Variants in RNF4 observed in about 807,000 individuals in gnomAD.
RNF4 encodes E3 ubiquitin-protein ligase RNF4.
RNF4 carries 7 observed loss-of-function variants against 24.3 expected under a neutral mutation model. The ratio of observed to expected loss-of-function variants is 0.29; its 90% CI spans 0.16 to 0.54. RNF4 has a LOEUF of 0.54. Ranked by LOEUF, RNF4 falls within the 20% of genes least tolerant of loss-of-function variation. The pLI, the probability that RNF4 is intolerant of heterozygous loss-of-function variation, is 0.95. For synonymous variants in RNF4, 83 were observed against 84.3 expected, an observed-to-expected ratio of 0.98 and a Z score of 0.09; for missense variants, 209 against 248.5, an observed-to-expected ratio of 0.84 and a Z score of 1.07.
chr4:2,499,946 G>C (rs1735857017), intron 3 of RNF4, among the ~76,000 whole-genome samples: 1 of 152,122 alleles, frequency 6.6e-6, no homozygotes, highest in South Asian at 2.1e-4. Flanking sequence ...CACAAGGTCA[G>C]GAGTTCAAGA....
chr4:2,487,132 G>C (rs933560308), intron 1 of RNF4, among the ~76,000 whole-genome samples: 1 of 152,180 alleles, frequency 6.6e-6, no homozygotes, highest in Non-Finnish European at 1.5e-5. Flanking sequence ...GTGTTGCTTT[G>C]AGAAGCATTT....
intron 1 of RNF4, among the ~76,000 whole-genome samples, chr4:2,482,941 T>G (rs1194917426): frequency 3.3e-5 from 5 of 152,244 alleles, no homozygotes; most frequent in East Asian, 1.9e-4. Context: ...CTGCCAAGTC[T>G]GTTCTGGAAA....
Position 2,487,069 on chromosome 4 carries a change from G to A in RNF4, c.-157-3268G>A, listed in dbSNP as rs146665115. Among the ~76,000 whole-genome samples, 1,425 of 152,242 alleles carry A rather than the reference G, an allele frequency of 9.4e-3. 22 individuals carry two copies. The highest frequency in any genetic ancestry group is 0.012 in the Non-Finnish European group (788 of 68,012). On this transcript the variant is annotated intron_variant, in intron 1 of 7. Transcript: ENST00000314289. ...AACCAACTAGACAAGTCTTTTCCTA[G>A]CCAGAGCCTCTTCCCTGAATGTCTG...
intron 1 of RNF4, among the ~76,000 whole-genome samples, chr4:2,487,113 C>A (rs71608203): frequency 0.014 from 2,172 of 152,194 alleles, 21 homozygotes; most frequent in South Asian, 0.023. Context: ...TGAACACTTA[C>A]CAGGTGAGGT....
rs574971720 is a variant in RNF4 at position 2,514,217 on chromosome 4, C to G, written c.*398C>G. 2.1e-4 allele frequency: 50 copies of G among 234,200 alleles called. No homozygotes were observed. Among genetic ancestry groups the G allele is most frequent in the African/African-American group, 1.0e-3 (47 of 45,126 alleles). 14.5% of individuals were successfully genotyped at this position (234,200 alleles called of 1,614,324 possible). On this transcript the variant is annotated 3_prime_UTR_variant, in exon 8 of 8. Transcript: ENST00000314289. ...TCTGCCGGTCGACCAATCTGCCTGC[C>G]ACACATTGACCAAGCCAGACCCGGT... is the stretch of plus-strand genomic sequence containing the variant.
At position 2,473,388 on chromosome 4, in the gene RNF4, A is replaced by G. The variant is rs1216909817; in HGVS notation, c.-158+4130A>G. Among the ~76,000 whole-genome samples the G allele has an allele frequency of 3.9e-5, 6 of 152,174 alleles. 1 individual carries two copies. Among genetic ancestry groups the G allele is most frequent in the Non-Finnish European group, 8.8e-5 (6 of 68,040 alleles). On this transcript the variant is annotated intron_variant, in intron 1 of 7. Transcript: ENST00000314289. ...AACAGTGAGATTCCGTCTTAAAAAA[A>G]AAAATCAATTAACACAACAAGAACT...
intron 1 of RNF4, among the ~76,000 whole-genome samples, chr4:2,474,158 G>T (rs1734996994): frequency 6.6e-6 from 1 of 151,832 alleles, no homozygotes; most frequent in Non-Finnish European, 1.5e-5. Context: ...GGCGGATCAC[G>T]AGGTCAGGAG....
chr4:2,470,455 T>C (rs1220821493), intron 1 of RNF4, among the ~76,000 whole-genome samples: 1 of 152,250 alleles, frequency 6.6e-6, no homozygotes, highest in Non-Finnish European at 1.5e-5. Context: ...TAGCAAGATA[T>C]ATTGCTGGCT....
chr4:2,495,694 A>C (rs1004593342), intron 2 of RNF4, among the ~76,000 whole-genome samples: 2 of 150,954 alleles, frequency 1.3e-5, no homozygotes, highest in African/African-American at 4.9e-5. Flanking sequence ...GTGCAATGGC[A>C]CAATCTCGGC....
At chr4:2,479,195 C>G (rs1269404501) in intron 1 of RNF4, among the ~76,000 whole-genome samples, 1 of 152,230 alleles carries the variant, frequency 6.6e-6, no homozygotes, top group Non-Finnish European at 1.5e-5. Context: ...AATGCCTGCA[C>G]CCCCGTTGTA....
At chr4:2,502,877 G>T (rs1217176545) in intron 4 of RNF4, among the ~76,000 whole-genome samples, 1 of 151,468 alleles carries the variant, frequency 6.6e-6, no homozygotes, top group Non-Finnish European at 1.5e-5. Flanking sequence ...AAGAAACAGG[G>T]TCTCACTCTG....
chr4:2,508,704 A>G (rs943951752), intron 4 of RNF4, among the ~76,000 whole-genome samples: 2 of 151,902 alleles, frequency 1.3e-5, no homozygotes, highest in African/African-American at 2.4e-5. Flanking sequence ...TCCACCTCCC[A>G]GGTTCAAGTG....
chr4:2,495,642 G>T (rs1042219290), intron 2 of RNF4, among the ~76,000 whole-genome samples: 53 of 148,708 alleles, frequency 3.6e-4, no homozygotes, highest in African/African-American at 1.2e-3. Flanking sequence ...TTTTTTTTGG[G>T]GGGGGGTGAG....
chr4:2,498,037 A>G (rs1735791886), intron 3 of RNF4, among the ~76,000 whole-genome samples: 2 of 152,196 alleles, frequency 1.3e-5, no homozygotes, highest in African/African-American at 4.8e-5. Context: ...TTTCACTTCT[A>G]CAAATGAGTT....
In RNF4 at chr4:2,478,397, A is replaced by G. The variant is rs534364177; in HGVS notation, c.-158+9139A>G. Reference sequence around the variant, plus strand: ...CGTTAATCCCCAAGACAGTGGGGGGAAATGTCTCCAGGGCATGTCACAGGC... The same window carrying G: ...CGTTAATCCCCAAGACAGTGGGGGGGAATGTCTCCAGGGCATGTCACAGGC... On this transcript the variant is annotated intron_variant, in intron 1 of 7. Coordinates refer to ENST00000314289, the MANE Select transcript of RNF4 (RefSeq NM_002938.5). Among the ~76,000 whole-genome samples, 17 of 152,256 alleles carry G rather than the reference A, an allele frequency of 1.1e-4. No homozygotes were observed. In the East Asian group the frequency reaches 3.3e-3, roughly 29 times the overall value.
At chr4:2,495,474 A>G (rs1735705069) in intron 2 of RNF4, among the ~76,000 whole-genome samples, 1 of 152,146 alleles carries the variant, frequency 6.6e-6, no homozygotes, top group South Asian at 2.1e-4. Flanking sequence ...ACCTTATAAC[A>G]GCTCTGCAAG....
chr4:2,511,079 G>A (rs879348466), intron 4 of RNF4, among the ~76,000 whole-genome samples: 3 of 152,230 alleles, frequency 2.0e-5, no homozygotes, highest in African/African-American at 2.4e-5. Flanking sequence ...CATTGGTCGC[G>A]TCAGCTTGAG....
At chr4:2,490,157 G>A (rs1018833474) in intron 1 of RNF4, among the ~76,000 whole-genome samples, 180 bp from the exon 2 acceptor site, 1 of 152,132 alleles carries the variant, frequency 6.6e-6, no homozygotes, top group African/African-American at 2.4e-5. Context: ...TTGGGATCAG[G>A]AAGTCCTACA....
At chr4:2,497,256 A>G in intron 3 of RNF4, 135 bp downstream of exon 3, 1 of 577,758 alleles carries the variant, frequency 1.7e-6, no homozygotes, top group Non-Finnish European at 3.1e-6. Flanking sequence ...TGTACAACTC[A>G]AAGCTTCACA....
Sources: gnomAD v4.1 joint callset for allele counts (sites outside exome capture counted in the v4.1 genomes callset) on GRCh38, gnomAD v4.1.1 for gene constraint, MANE v1.5 for transcripts, NCBI Gene and HGNC (gene_info 2026-07-23, HGNC 2026-07-21) for gene names.